Variants in PDE4D observed in about 807,000 individuals in gnomAD.
The protein encoded by PDE4D is phosphodiesterase 4D, also known as 3',5'-cyclic-AMP phosphodiesterase 4D.
PDE4D carries 24 observed loss-of-function variants against 87.4 expected under a neutral mutation model. That is an observed-to-expected ratio of 0.27 (90% CI 0.20 to 0.39). The LOEUF (loss-of-function observed/expected upper bound fraction) is 0.39. Among genes scored for constraint, PDE4D ranks in the 10% least tolerant of loss-of-function variants. The probability of loss-of-function intolerance (pLI) is 1.00; values close to 1 mark genes in which losing one functional copy is unlikely to be tolerated. For missense variants in PDE4D, 714 were observed against 1,041.0 expected, an observed-to-expected ratio of 0.69 and a Z score of 4.32; for synonymous variants, 384 against 383.2, an observed-to-expected ratio of 1.00 and a Z score of -0.02.
intron 1 of PDE4D, among the ~76,000 whole-genome samples, chr5:60,352,249 T>A (rs530220580): frequency 8.5e-5 from 13 of 152,332 alleles, no homozygotes; most frequent in African/African-American, 3.1e-4. Context: ...AGCCTCCTTT[T>A]TGCCTGTCTA....
At chr5:59,053,667 T>TTTTTTTTG (rs1761936274) in intron 5 of PDE4D, among the ~76,000 whole-genome samples, 1 of 132,940 alleles carries the variant, frequency 7.5e-6, no homozygotes, top group East Asian at 2.1e-4. Context: ...TGTTGTTTTT[T>TTTTTTTTG]TTTTTTGGCC....
chr5:59,681,084 C>G (rs997231710), intron 1 of PDE4D, among the ~76,000 whole-genome samples: 1 of 152,102 alleles, frequency 6.6e-6, no homozygotes, highest in Non-Finnish European at 1.5e-5. Flanking sequence ...AAAAACCATT[C>G]TTTACTGAAA....
intron 3 of PDE4D, among the ~76,000 whole-genome samples, chr5:59,910,726 C>T (rs964245207): frequency 1.3e-5 from 2 of 152,166 alleles, no homozygotes; most frequent in African/African-American, 2.4e-5. Flanking sequence ...GGTATCACCA[C>T]CAGACACTAG....
intron 1 of PDE4D, among the ~76,000 whole-genome samples, chr5:59,569,808 T>G (rs1470469912): frequency 6.6e-6 from 1 of 152,114 alleles, no homozygotes; most frequent in Non-Finnish European, 1.5e-5. Context: ...CTCTTGTCAC[T>G]CTCCTGAGTC....
chr5:59,722,369 A>G (rs1352229781), intron 1 of PDE4D, among the ~76,000 whole-genome samples: 1 of 152,208 alleles, frequency 6.6e-6, no homozygotes, highest in Non-Finnish European at 1.5e-5. Context: ...TAAAAGGACA[A>G]TTTAGGCTGA....
intron 1 of PDE4D, among the ~76,000 whole-genome samples, chr5:60,398,346 G>A (rs768243875): frequency 6.6e-6 from 1 of 152,106 alleles, no homozygotes; most frequent in South Asian, 2.1e-4. Flanking sequence ...TCACTTTTAC[G>A]GATCTGTTAC....
chr5:59,653,140 T>C (rs1224021917), intron 1 of PDE4D, among the ~76,000 whole-genome samples: 1 of 151,620 alleles, frequency 6.6e-6, no homozygotes, highest in Non-Finnish European at 1.5e-5. Context: ...AAAATACAAC[T>C]ATTGGTTAGG....
At chr5:60,262,979 G>T (rs1223070917) in intron 1 of PDE4D, among the ~76,000 whole-genome samples, 2 of 152,214 alleles carry the variant, frequency 1.3e-5, no homozygotes, top group East Asian at 3.9e-4. Flanking sequence ...AAAAAGAGCA[G>T]CAAAGGAGAA....
chr5:59,102,071 T>G (rs1770827784), intron 5 of PDE4D, among the ~76,000 whole-genome samples: 1 of 146,702 alleles, frequency 6.8e-6, no homozygotes, highest in Admixed American at 7.4e-5. Flanking sequence ...AACTGTTAAT[T>G]TTTTCCCTAC....
At chr5:59,477,355 A>AT (rs780045017) in intron 1 of PDE4D, among the ~76,000 whole-genome samples, 17 of 78,616 alleles carry the variant, frequency 2.2e-4, no homozygotes, top group African/African-American at 9.0e-4. Context: ...GAGTATAATA[A>AT]AAAAAAAAAA....
intron 2 of PDE4D, among the ~76,000 whole-genome samples, chr5:60,104,312 G>A (rs912652858): frequency 6.6e-6 from 1 of 152,212 alleles, no homozygotes; most frequent in African/African-American, 2.4e-5. Context: ...TGGGGGAGAG[G>A]CGCCCACCAT....
At chr5:59,716,144 C>T (rs1023389099) in intron 1 of PDE4D, among the ~76,000 whole-genome samples, 3 of 152,226 alleles carry the variant, frequency 2.0e-5, no homozygotes, top group Non-Finnish European at 4.4e-5. Context: ...TCCAGCATGA[C>T]TCAGTGAGTT....
chr5:59,356,087 A>T (rs1562021420), intron 1 of PDE4D, among the ~76,000 whole-genome samples: 1 of 152,204 alleles, frequency 6.6e-6, no homozygotes, highest in African/African-American at 2.4e-5. Context: ...AGAATAATCA[A>T]TCTTCTCTTT....
chr5:60,163,339 A>AT (rs1205634885), intron 2 of PDE4D, among the ~76,000 whole-genome samples: 1 of 151,806 alleles, frequency 6.6e-6, no homozygotes, highest in Non-Finnish European at 1.5e-5. Flanking sequence ...ATTTCTACAT[A>AT]TTTTTTTCAC....
At chr5:59,448,911 A>G (rs1798738719) in intron 1 of PDE4D, among the ~76,000 whole-genome samples, 1 of 152,182 alleles carries the variant, frequency 6.6e-6, no homozygotes, top group South Asian at 2.1e-4. Context: ...CTGGGATTAC[A>G]GGAGTGAGCC....
chr5:59,432,806 A>C (rs911430152), intron 1 of PDE4D, among the ~76,000 whole-genome samples: 1 of 152,168 alleles, frequency 6.6e-6, no homozygotes, highest in African/African-American at 2.4e-5. Flanking sequence ...AGAAGTCTGG[A>C]GTCTCATCAG....
chr5:59,233,138 A>G (rs1468982160), intron 1 of PDE4D, among the ~76,000 whole-genome samples: 3 of 152,180 alleles, frequency 2.0e-5, no homozygotes, highest in South Asian at 4.1e-4. Flanking sequence ...AGAATAATGT[A>G]TCATATATTT....
intron 2 of PDE4D, among the ~76,000 whole-genome samples, chr5:59,196,833 T>C (rs1028263972): frequency 3.9e-5 from 6 of 152,152 alleles, no homozygotes; most frequent in Non-Finnish European, 1.5e-5. Flanking sequence ...AAAAATTCCA[T>C]AATGGGAGGT....
At chr5:59,544,719 G>A (rs114272750) in intron 1 of PDE4D, among the ~76,000 whole-genome samples, 169 of 152,270 alleles carry the variant, frequency 1.1e-3, no homozygotes, top group African/African-American at 3.9e-3. Flanking sequence ...GGGGAGAAGC[G>A]AGCTGTTAGC....
Sources: allele counts gnomAD v4.1 joint callset (sites outside exome capture counted in the v4.1 genomes callset), GRCh38; gene constraint gnomAD v4.1.1; transcripts MANE v1.5; gene names NCBI Gene and HGNC (gene_info 2026-07-23, HGNC 2026-07-21).